ARHGEF10L: variants seen among roughly 807,000 people sequenced by gnomAD.
The protein encoded by ARHGEF10L is rho guanine nucleotide exchange factor 10-like protein.
Under a neutral mutation model 141.2 loss-of-function variants are expected in ARHGEF10L, and 69 were observed. The ratio of observed to expected loss-of-function variants is 0.49; its 90% CI spans 0.40 to 0.60. ARHGEF10L has a LOEUF of 0.60. Among genes scored for constraint, ARHGEF10L ranks in the 20% least tolerant of loss-of-function variants. The pLI is 0.00. For missense variants in ARHGEF10L, 1,482 were observed against 1,734.3 expected (o/e 0.85, Z 2.58); for synonymous variants, 711 against 718.5 (o/e 0.99, Z 0.17).
intron 21 of ARHGEF10L, among the ~76,000 whole-genome samples, chr1:17,646,710 T>A (rs565825020): frequency 6.6e-6 from 1 of 151,670 alleles, no homozygotes; most frequent in Non-Finnish European, 1.5e-5. Flanking sequence ...CATGGAGACA[T>A]GGGTGGTGCA....
the ARHGEF10L span, among the ~76,000 whole-genome samples, chr1:17,519,033 G>A: frequency 6.6e-6 from 1 of 151,212 alleles, no homozygotes; most frequent in Non-Finnish European, 1.5e-5. Flanking sequence ...AAATTAGCTG[G>A]GTCGGGTGGC....
chr1:17,600,908 G>A (rs2080587580), intron 4 of ARHGEF10L, among the ~76,000 whole-genome samples: 1 of 151,940 alleles, frequency 6.6e-6, no homozygotes, highest in African/African-American at 2.4e-5. Flanking sequence ...AAATTAGCTG[G>A]GTGTGGTGGC....
intron 1 of ARHGEF10L, among the ~76,000 whole-genome samples, chr1:17,578,977 G>T (rs2100472229): frequency 6.6e-6 from 1 of 152,204 alleles, no homozygotes; most frequent in Non-Finnish European, 1.5e-5. Flanking sequence ...CTCTTCTGGG[G>T]GACTGGGGGA....
chr1:17,562,229 G>A (rs984438102), intron 1 of ARHGEF10L, among the ~76,000 whole-genome samples: 3 of 152,172 alleles, frequency 2.0e-5, no homozygotes, highest in Non-Finnish European at 2.9e-5. Context: ...AGCCTGGGCA[G>A]CATGATGAGA....
chr1:17,632,549 A>T (rs115686702), intron 16 of ARHGEF10L, 83 bp downstream of exon 16: 31,512 of 1,565,102 alleles, frequency 0.02, 581 homozygotes, highest in African/African-American at 0.088. Flanking sequence ...GGCCGGCCGC[A>T]CTACAGTGGG....
At chr1:17,630,868 GA>G in intron 15 of ARHGEF10L, among the ~76,000 whole-genome samples, 1 of 152,362 alleles carries the variant, frequency 6.6e-6, no homozygotes, top group South Asian at 2.1e-4. Context: ...ATTCTCTCCC[GA>G]GGAGGCTCGG....
At chr1:17,601,049 C>CAAAAAAAAAAA (rs55806926) in intron 4 of ARHGEF10L, among the ~76,000 whole-genome samples, 5 of 51,130 alleles carry the variant, frequency 9.8e-5, no homozygotes, top group African/African-American at 3.3e-4. Flanking sequence ...GGCTCTGTCT[C>CAAAAAAAAAAA]AAAAAAAAAA....
Position 17,621,999 on chromosome 1 carries a change from G to A in ARHGEF10L, c.1020+58G>A, listed in dbSNP as rs1359467743. ...GGGAGAAGCAGGGAGGGCCCTGGAG[G>A]GTAACTTTATACGGAGTGTTTGGGG... On this transcript the variant is annotated intron_variant, in intron 11 of 28. Transcript: ENST00000361221. This position sits in a 1 kb window ranked among gnomAD's most constrained non-coding sequence, Gnocchi z 4.1. The A allele has an allele frequency of 2.5e-6, 4 of 1,581,696 alleles. No individual in the cohort carries two copies. In the African/African-American group the frequency reaches 4.0e-5, roughly 16 times the overall value.
intron 27 of ARHGEF10L, among the ~76,000 whole-genome samples, chr1:17,688,793 C>T (rs1475932943): frequency 6.6e-6 from 1 of 152,154 alleles, no homozygotes; most frequent in Non-Finnish European, 1.5e-5. Flanking sequence ...GCCTTAGGGA[C>T]CTCTGCCTAC....
intron 23 of ARHGEF10L, among the ~76,000 whole-genome samples, chr1:17,655,417 CATCT>C (rs2062167881): frequency 1.3e-5 from 2 of 151,748 alleles, no homozygotes; most frequent in Admixed American, 6.6e-5. Flanking sequence ...TACATCCTTC[CATCT>C]ATCTGTCTAT....
intron 16 of ARHGEF10L, 74 bp downstream of exon 16, chr1:17,632,540 G>A: frequency 6.3e-7 from 1 of 1,593,294 alleles, no homozygotes; most frequent in Non-Finnish European, 8.6e-7. Context: ...CAGTCTCTTG[G>A]CCGGCCGCAC....
At chr1:17,690,015 T>C (rs923921485) in intron 27 of ARHGEF10L, 1 of 358,062 alleles carries the variant, frequency 2.8e-6, no homozygotes, top group Non-Finnish European at 5.5e-6. Context: ...GCATTCGTTG[T>C]TATGATGATG....
chr1:17,544,561 C>G (rs2100644350), intron 1 of ARHGEF10L, among the ~76,000 whole-genome samples: 1 of 152,266 alleles, frequency 6.6e-6, no homozygotes, highest in South Asian at 2.1e-4. Context: ...TCCCAAAGTG[C>G]TGGGATTACA....
intron 1 of ARHGEF10L, among the ~76,000 whole-genome samples, chr1:17,572,872 G>C (rs557043325): frequency 1.7e-3 from 258 of 152,222 alleles, no homozygotes; most frequent in African/African-American, 6.0e-3. Flanking sequence ...ATTCCCCAAA[G>C]GTTGTACCTC....
chr1:17,662,781 C>T (rs900520054), intron 25 of ARHGEF10L, among the ~76,000 whole-genome samples: 19 of 152,104 alleles, frequency 1.2e-4, no homozygotes, highest in African/African-American at 2.2e-4. Context: ...GGGGCCCTTC[C>T]GGCTTTGGAG....
At chr1:17,529,574 C>T in the ARHGEF10L span, among the ~76,000 whole-genome samples, 1 of 152,178 alleles carries the variant, frequency 6.6e-6, no homozygotes, top group Admixed American at 6.5e-5. Flanking sequence ...CTGGTTTGCC[C>T]AGTTAGGAGC....
At chr1:17,548,407 T>C (rs2076989201) in intron 1 of ARHGEF10L, among the ~76,000 whole-genome samples, 1 of 152,076 alleles carries the variant, frequency 6.6e-6, no homozygotes, top group African/African-American at 2.4e-5. Context: ...AAGAAAAGTA[T>C]TGGACTCTTA....
At chr1:17,693,024 C>T (rs1558053262) in intron 27 of ARHGEF10L, among the ~76,000 whole-genome samples, 1 of 152,194 alleles carries the variant, frequency 6.6e-6, no homozygotes, top group African/African-American at 2.4e-5. Flanking sequence ...CCCGGGAATC[C>T]TCCACTGGCT....
In ARHGEF10L at chr1:17,552,571, G is replaced by GTTT. The variant is rs34766409; in HGVS notation, c.-44+12651_-44+12653dup. On this transcript the variant is annotated intron_variant, in intron 1 of 28. Transcript: ENST00000361221. The stretch of plus-strand genomic sequence containing the variant: ...ATGCTACCACAGCTGGCTAATTTTC[G>GTTT]TTTTTTTTTTTTTTTTTTTTTTTTT... 2.2e-3 allele frequency among the ~76,000 whole-genome samples: 97 copies of GTTT among 44,918 alleles called. 2 individuals are homozygous for GTTT. Among genetic ancestry groups the GTTT allele is most frequent in the Middle Eastern group, 0.019 (1 of 54 alleles). 29.5% of individuals were successfully genotyped at this position (44,918 alleles called of 152,430 possible). A position where few individuals can be genotyped will look rare whatever the true frequency, so the allele number is the denominator to read the frequency against.
Sources: gnomAD v4.1 joint callset for allele counts (sites outside exome capture counted in the v4.1 genomes callset) on GRCh38, gnomAD v4.1.1 for gene constraint, Gnocchi (gnomAD v3.1) non-coding constraint, MANE v1.5 for transcripts, NCBI Gene and HGNC (gene_info 2026-07-23, HGNC 2026-07-21) for gene names.